The following DPM1 variants were observed in gnomAD, a reference collection of about 807,000 sequenced individuals.
DPM1 encodes dolichyl-phosphate mannosyltransferase subunit 1, catalytic, also known as dolichol-phosphate mannosyltransferase subunit 1.
Under a neutral mutation model 39.0 loss-of-function variants are expected in DPM1, and 27 were observed. The ratio of observed to expected loss-of-function variants is 0.69; its 90% CI spans 0.51 to 0.95. The LOEUF (loss-of-function observed/expected upper bound fraction) is 0.95. DPM1 is among the 40% of genes least tolerant of loss of function. The pLI is 0.00. For synonymous variants in DPM1, 124 were observed against 109.0 expected (o/e 1.14, Z -0.86); for missense variants, 307 against 315.6 (o/e 0.97, Z 0.21).
intron 8 of DPM1, 97 bp from the exon 9 acceptor site, chr20:50,935,333 C>T (rs1221082863): frequency 1.3e-6 from 1 of 780,862 alleles, no homozygotes; most frequent in African/African-American, 1.7e-5. Flanking sequence ...TAGGATTAGT[C>T]CTACAACAGA....
intron 5 of DPM1, 147 bp downstream of exon 5, chr20:50,945,590 T>C (rs1601043723): frequency 3.8e-6 from 3 of 795,194 alleles, no homozygotes; most frequent in East Asian, 2.7e-5. Flanking sequence ...GCAACCCTCC[T>C]ACCCTGACTT....
chr20:50,940,990 A>G, intron 6 of DPM1, 57 bp from the exon 7 acceptor site: 2 of 1,498,066 alleles, frequency 1.3e-6, no homozygotes, highest in Non-Finnish European at 1.9e-6. Context: ...AACAAGAGAA[A>G]CACATCGAAG....
chr20:50,949,003 G>T (rs1052533089), intron 2 of DPM1, among the ~76,000 whole-genome samples: 2 of 152,078 alleles, frequency 1.3e-5, no homozygotes, highest in African/African-American at 4.8e-5. Context: ...TGGGATTACA[G>T]GCATGCACCA....
chr20:50,944,027 A>G (rs1986101797), intron 5 of DPM1, among the ~76,000 whole-genome samples: 1 of 152,252 alleles, frequency 6.6e-6, no homozygotes, highest in South Asian at 2.1e-4. Context: ...GGCGTGAGCC[A>G]CTGCGCCCGG....
intron 7 of DPM1, among the ~76,000 whole-genome samples, chr20:50,939,675 G>A (rs1262649747): frequency 2.0e-5 from 3 of 151,786 alleles, no homozygotes; most frequent in Non-Finnish European, 4.4e-5. Context: ...GTGCAGTGGC[G>A]CAATCTCGGC....
Position 50,935,124 on chromosome 20 carries a change from T to G in DPM1, c.*8A>C. On this transcript the variant is annotated 3_prime_UTR_variant, in exon 9 of 9. Coordinates refer to ENST00000371588, the MANE Select transcript of DPM1 (RefSeq NM_003859.3). ...AAATGAACGTAACTATAAATGAGTA[T>G]CTTTCTTTTATGTAGTAGCAAAAAG... 6.9e-7 allele frequency: 1 copy of G among 1,441,612 alleles called. No individual in the cohort carries two copies. Among genetic ancestry groups the G allele is most frequent in the Non-Finnish European group, 9.8e-7 (1 of 1,024,360 alleles). 89.3% of individuals were successfully genotyped at this position (1,441,612 alleles called of 1,614,324 possible). A position where few individuals can be genotyped will look rare whatever the true frequency, so the allele number is the denominator to read the frequency against.
At chr20:50,940,237 G>C (rs1182464843) in intron 7 of DPM1, among the ~76,000 whole-genome samples, 1 of 151,938 alleles carries the variant, frequency 6.6e-6, no homozygotes, top group Non-Finnish European at 1.5e-5. Context: ...AGTAATGTTT[G>C]GGGGGCTTGG....
At chr20:50,943,765 A>G (rs1409012962) in intron 5 of DPM1, among the ~76,000 whole-genome samples, 3 of 134,280 alleles carry the variant, frequency 2.2e-5, no homozygotes, top group South Asian at 2.3e-4. Flanking sequence ...TTTGAGATGG[A>G]GTCTCGCTCT....
intron 3 of DPM1, among the ~76,000 whole-genome samples, chr20:50,947,681 T>C (rs1470209693): frequency 6.6e-6 from 1 of 152,172 alleles, no homozygotes; most frequent in Non-Finnish European, 1.5e-5. Flanking sequence ...TAGGCTGGAG[T>C]GCAGTGGTGT....
Position 50,950,997 on chromosome 20 carries a change from T to C in DPM1, c.262-2335A>G, listed in dbSNP as rs535358868. On this transcript the variant is annotated intron_variant, in intron 2 of 8. Transcript: ENST00000371588. ...ATCTCCAATAGTACCAAACCTTATATATACTTTTTCTTATACATACACACC... is the reference window on the plus strand; with the variant it reads ...ATCTCCAATAGTACCAAACCTTATACATACTTTTTCTTATACATACACACC... 1.2e-4 allele frequency among the ~76,000 whole-genome samples: 19 copies of C among 152,336 alleles called. 1 individual carries two copies. In the South Asian group the frequency reaches 3.3e-3, roughly 27 times the overall value.
intron 6 of DPM1, 22 bp from the exon 7 acceptor site, chr20:50,940,955 T>A (rs1350902372): frequency 6.2e-7 from 1 of 1,611,640 alleles, no homozygotes; most frequent in Non-Finnish European, 8.5e-7. Flanking sequence ...AACAATCAGA[T>A]CTTCTTTACA....
At position 50,934,886 on chromosome 20, in the gene DPM1, T is replaced by A. The variant is rs957315491; in HGVS notation, c.*246A>T. On this transcript the variant is annotated 3_prime_UTR_variant, in exon 9 of 9. Transcript: ENST00000371588. ...CAGCAATACTTTATGCAAAAAAAAA[T>A]ATACATTTATTTATAGGTCTCAATA... 9.8e-6 allele frequency: 3 copies of A among 305,090 alleles called. No individual in the cohort carries two copies. Among genetic ancestry groups the A allele is most frequent in the African/African-American group, 4.4e-5 (2 of 45,166 alleles). 18.9% of individuals were successfully genotyped at this position (305,090 alleles called of 1,614,324 possible).
chr20:50,955,843 A>G (rs1568774854), intron 1 of DPM1, among the ~76,000 whole-genome samples: 1 of 152,224 alleles, frequency 6.6e-6, no homozygotes. Context: ...GATTACAGGC[A>G]TGAGCCTCCG....
intron 1 of DPM1, among the ~76,000 whole-genome samples, chr20:50,958,125 C>T (rs1341288388): frequency 6.6e-6 from 1 of 152,166 alleles, no homozygotes; most frequent in East Asian, 1.9e-4. Context: ...GGGAGTACTA[C>T]ATAATAAAGA....
intron 7 of DPM1, among the ~76,000 whole-genome samples, chr20:50,938,891 A>G (rs912093407): frequency 6.6e-6 from 1 of 151,792 alleles, no homozygotes; most frequent in Non-Finnish European, 1.5e-5. Flanking sequence ...AGGCAGGAGA[A>G]TCTCTTGAAC....
At chr20:50,938,399 T>TC (rs1164172243) in intron 7 of DPM1, among the ~76,000 whole-genome samples, 1 of 151,674 alleles carries the variant, frequency 6.6e-6, no homozygotes, top group Non-Finnish European at 1.5e-5. Flanking sequence ...TTTTTTTTTT[T>TC]TTTTGAGACA....
At chr20:50,948,584 C>T (rs1986413302) in intron 3 of DPM1, 45 bp downstream of exon 3, 3 of 1,595,640 alleles carry the variant, frequency 1.9e-6, no homozygotes, top group Non-Finnish European at 2.6e-6. Context: ...GATCATGTCA[C>T]CAAGCAAGCA....
At chr20:50,954,180 T>A (rs554688127) in intron 2 of DPM1, among the ~76,000 whole-genome samples, 124 of 152,208 alleles carry the variant, frequency 8.1e-4, no homozygotes, top group African/African-American at 1.6e-3. Flanking sequence ...GGCTTTTTTT[T>A]AAAATGATTA....
intron 4 of DPM1, 22 bp from the exon 5 acceptor site, chr20:50,945,784 C>T (rs779789946): frequency 3.1e-6 from 5 of 1,607,794 alleles, no homozygotes; most frequent in Admixed American, 1.7e-5. Flanking sequence ...AAAGAATAAA[C>T]AGTAAGTCAG....
Sources: gnomAD v4.1 joint callset for allele counts (sites outside exome capture counted in the v4.1 genomes callset) on GRCh38, gnomAD v4.1.1 for gene constraint, MANE v1.5 for transcripts, NCBI Gene and HGNC (gene_info 2026-07-23, HGNC 2026-07-21) for gene names.